PCDH15: variants seen among roughly 807,000 people sequenced by gnomAD.
The protein encoded by PCDH15 is protocadherin-15.
A neutral mutation model predicts 178.5 loss-of-function variants in PCDH15; 129 were observed. That is an observed-to-expected ratio of 0.72 (90% CI 0.63 to 0.84). The LOEUF is 0.84. PCDH15 is among the 40% of genes least tolerant of loss of function. The probability of loss-of-function intolerance (pLI) is 0.00; values close to 1 mark genes in which losing one functional copy is unlikely to be tolerated. For missense variants in PCDH15, 2,230 were observed against 2,099.9 expected (o/e 1.06, Z -1.21); for synonymous variants, 800 against 732.0 (o/e 1.09, Z -1.50).
chr10:53,817,959 A>T (rs2076125503), intron 34 of PCDH15, 36 bp downstream of exon 34: 7 of 398,594 alleles, frequency 1.8e-5, no homozygotes, highest in Non-Finnish European at 3.1e-5. Flanking sequence ...TTTTCCTAGT[A>T]TGCTTGTTAC....
chr10:55,278,238 C>A (rs1015064173), intron 1 of PCDH15, among the ~76,000 whole-genome samples: 5 of 151,618 alleles, frequency 3.3e-5, no homozygotes, highest in Non-Finnish European at 7.4e-5. Flanking sequence ...GGGAGAGTAA[C>A]ATATCTTTTC....
At chr10:54,700,291 G>A (rs955478627) in intron 1 of PCDH15, among the ~76,000 whole-genome samples, 2 of 152,052 alleles carry the variant, frequency 1.3e-5, no homozygotes, top group African/African-American at 4.8e-5. Flanking sequence ...GAGAACTCTG[G>A]ACGCTAAAAA....
At chr10:55,468,804 A>G (rs1839895096) in intron 2 of PCDH15, among the ~76,000 whole-genome samples, 2 of 152,178 alleles carry the variant, frequency 1.3e-5, no homozygotes, top group South Asian at 4.1e-4. Context: ...CAAATTTAAG[A>G]AAAACATTCT....
rs1239477248 is a variant in PCDH15, at chr10:54,307,157, C to T, written c.876+10114G>A. 1.8e-3 allele frequency among the ~76,000 whole-genome samples: 182 copies of T among 100,240 alleles called. 5 individuals are homozygous for T. Among genetic ancestry groups the T allele is most frequent in the African/African-American group, 4.6e-3 (128 of 27,626 alleles). The allele number at this position is 100,240 out of a possible 152,430, so 65.8% of individuals were successfully genotyped here. A position where few individuals can be genotyped will look rare whatever the true frequency, so the allele number is the denominator to read the frequency against. On this transcript the variant is annotated intron_variant, in intron 8 of 37. Transcript: ENST00000644397. Reference sequence around the variant, plus strand: ...ATATATATATATATATATAAAATTGCTTCAGTCAGGCTCCAGGTACTTGGA... The same window carrying T: ...ATATATATATATATATATAAAATTGTTTCAGTCAGGCTCCAGGTACTTGGA...
chr10:55,369,103 T>A (rs576279473), intron 2 of PCDH15, among the ~76,000 whole-genome samples: 1 of 151,702 alleles, frequency 6.6e-6, no homozygotes, highest in Non-Finnish European at 1.5e-5. Flanking sequence ...CAGTTTCAGT[T>A]TTTCAGTTTC....
At chr10:55,455,608 GA>G (rs58350046) in intron 2 of PCDH15, among the ~76,000 whole-genome samples, 116,241 of 151,804 alleles carry the variant, frequency 0.77, 45,836 homozygotes, top group East Asian at 0.99. Flanking sequence ...ATTATTAATT[GA>G]AAAAAAAGGT....
intron 2 of PCDH15, among the ~76,000 whole-genome samples, chr10:54,920,733 G>A (rs1397049228): frequency 6.6e-6 from 1 of 152,120 alleles, no homozygotes; most frequent in Non-Finnish European, 1.5e-5. Flanking sequence ...TGATGAATAA[G>A]AATCATAGAG....
At chr10:54,026,784 T>G (rs531977304) in intron 18 of PCDH15, among the ~76,000 whole-genome samples, 48 of 152,232 alleles carry the variant, frequency 3.2e-4, no homozygotes, top group East Asian at 5.8e-4. Context: ...TTGATGGGAC[T>G]TATCTCAAAA....
rs549005694 is a variant in PCDH15 at position 54,894,018 on chromosome 10, T to C, written c.-29+3432A>G. 2.6e-5 allele frequency among the ~76,000 whole-genome samples: 4 copies of C among 152,238 alleles called. No homozygotes were observed. In the South Asian group the frequency reaches 6.2e-4, roughly 24 times the overall value. On this transcript the variant is annotated intron_variant, in intron 3 of 5. Transcript: ENST00000458638. ...TGCTTGCTGTTTATAATAATATACA[T>C]ATTATAATACATTATCAATTAATTT... is the stretch of plus-strand genomic sequence containing the variant.
chr10:55,553,806 A>G (rs1359374419), intron 2 of PCDH15, among the ~76,000 whole-genome samples: 1 of 151,970 alleles, frequency 6.6e-6, no homozygotes, highest in African/African-American at 2.4e-5. Context: ...ATCAATATAT[A>G]TAAGTTCTGC....
chr10:54,346,976 A>G (rs2134184296), intron 5 of PCDH15, among the ~76,000 whole-genome samples: 1 of 152,314 alleles, frequency 6.6e-6, no homozygotes, highest in East Asian at 1.9e-4. Context: ...ATTAGAGGAA[A>G]ATACTGGGAG....
chr10:54,772,707 C>T (rs1156360547), intron 1 of PCDH15, among the ~76,000 whole-genome samples: 6 of 152,016 alleles, frequency 3.9e-5, no homozygotes, highest in East Asian at 3.9e-4. Context: ...GACAGGGTGG[C>T]GATTCCTCAG....
intron 2 of PCDH15, among the ~76,000 whole-genome samples, chr10:55,039,943 C>G (rs1371197665): frequency 6.6e-6 from 1 of 152,054 alleles, no homozygotes; most frequent in South Asian, 2.1e-4. Flanking sequence ...AACCCACCAT[C>G]AAACCATAGG....
intron 1 of PCDH15, among the ~76,000 whole-genome samples, chr10:55,214,661 G>A (rs1057111700): frequency 1.7e-4 from 26 of 151,710 alleles, no homozygotes; most frequent in African/African-American, 6.0e-4. Context: ...TGTTTTTTAA[G>A]AGATGGGTTC....
intron 2 of PCDH15, among the ~76,000 whole-genome samples, chr10:55,024,256 C>T (rs935564832): frequency 1.3e-4 from 19 of 146,420 alleles, no homozygotes; most frequent in African/African-American, 4.5e-4. Context: ...TATCTGTGTA[C>T]ACACACACTC....
chr10:55,045,024 T>C (rs1840962065), intron 2 of PCDH15, among the ~76,000 whole-genome samples: 1 of 152,126 alleles, frequency 6.6e-6, no homozygotes, highest in African/African-American at 2.4e-5. Flanking sequence ...ATACTCATTC[T>C]GTAAACACAT....
intron 21 of PCDH15, among the ~76,000 whole-genome samples, chr10:53,962,353 C>T (rs1031217936): frequency 4.6e-5 from 7 of 152,052 alleles, no homozygotes; most frequent in Non-Finnish European, 7.4e-5. Flanking sequence ...GCTGGGAATA[C>T]AGGTGTGTGC....
chr10:53,955,143 T>A (rs1019211189), intron 23 of PCDH15, among the ~76,000 whole-genome samples: 2 of 152,170 alleles, frequency 1.3e-5, no homozygotes, highest in Non-Finnish European at 2.9e-5. Context: ...TGAACTGAAA[T>A]GTGCAATTCT....
chr10:55,555,111 C>T (rs1842066459), intron 2 of PCDH15, among the ~76,000 whole-genome samples: 1 of 151,992 alleles, frequency 6.6e-6, no homozygotes, highest in South Asian at 2.1e-4. Flanking sequence ...TACATTAAAA[C>T]AATCTTTGGG....
Sources: gnomAD v4.1 joint callset for allele counts (sites outside exome capture counted in the v4.1 genomes callset) on GRCh38, gnomAD v4.1.1 for gene constraint, MANE v1.5 for transcripts, NCBI Gene and HGNC (gene_info 2026-07-23, HGNC 2026-07-21) for gene names.